RNF38: variants seen among roughly 807,000 people sequenced by gnomAD.
RNF38 encodes the protein ring finger protein 38, also known as E3 ubiquitin-protein ligase RNF38.
In RNF38, 15 loss-of-function variants were observed where a neutral mutation model predicts 67.2. The ratio of observed to expected loss-of-function variants is 0.22; its 90% CI spans 0.15 to 0.34. The LOEUF is 0.34. RNF38 is among the 10% of genes least tolerant of loss of function. RNF38 has a pLI of 1.00. For synonymous variants in RNF38, 220 were observed against 218.8 expected (o/e 1.01, Z -0.05); for missense variants, 524 against 639.9 (o/e 0.82, Z 1.95).
Position 36,351,189 on chromosome 9 carries a change from G to A in RNF38, c.1189C>T (p.Pro397Ser). Residue 397 changes from proline (P) to serine (S), a missense_variant, in exon 9 of 12, where the codon CCA becomes TCA. Pro to Ser is a moderately conservative substitution (Grantham distance 74). Around this residue, in one of 2 missense-constraint regions of RNF38, gnomAD observed 461 missense variants for 517.4 expected, o/e 0.89. Transcript: ENST00000259605. ...GTTGGGCCCACTGCAGGTGGCACTG[G>A]AAGCATTGATCTGCAGTGAAAACAA... Reference protein sequence around the residue: ...SLLPYVLSMLPVPPAVGPTFS... With the variant: ...SLLPYVLSMLSVPPAVGPTFS... The A allele has an allele frequency of 1.9e-6, 3 of 1,611,080 alleles. No individual in the cohort carries two copies. The highest frequency in any genetic ancestry group is 2.5e-6 in the Non-Finnish European group (3 of 1,178,038).
At chr9:36,354,996 G>T (rs1833993430) in intron 6 of RNF38, among the ~76,000 whole-genome samples, 1 of 152,164 alleles carries the variant, frequency 6.6e-6, no homozygotes, top group Non-Finnish European at 1.5e-5. Context: ...ACAAGTGATA[G>T]CTAAATTTTG....
At position 36,394,042 on chromosome 9, in the gene RNF38, C is replaced by T. The variant is rs10972881; in HGVS notation, c.13-3426G>A. ...CTGTAATCCCAGCACTTTGGGAGGC[C>T]GAGGCGGGCAGATCACAAGGTCAAG... On this transcript the variant is annotated intron_variant, in intron 1 of 11. Coordinates refer to ENST00000259605, the MANE Select transcript of RNF38 (RefSeq NM_022781.5). Among the ~76,000 whole-genome samples, 1,198 of 152,142 alleles carry T rather than the reference C, an allele frequency of 7.9e-3. 42 individuals are homozygous for T. The East Asian group carries it at 0.11, about 14-fold the overall frequency.
chr9:36,467,649 T>G (rs1370704986), intron 1 of RNF38, among the ~76,000 whole-genome samples: 1 of 152,172 alleles, frequency 6.6e-6, no homozygotes, highest in Non-Finnish European at 1.5e-5. Context: ...TAAAACCCAC[T>G]ATAGCTTTTT....
rs549622830 is a variant in RNF38 at position 36,372,122 on chromosome 9, G to C, written c.357-2190C>G. 4.6e-5 allele frequency among the ~76,000 whole-genome samples: 7 copies of C among 151,916 alleles called. No homozygotes were observed. The South Asian group carries it at 1.5e-3, about 32-fold the overall frequency. On this transcript the variant is annotated intron_variant, in intron 3 of 11. Transcript: ENST00000259605. ...ATTTTTGTATTTTTAGTAGAAACAG[G>C]GTTTCACCATATTGGCCAGGCTGGT...
chr9:36,431,954 C>T (rs2134265421), intron 1 of RNF38, among the ~76,000 whole-genome samples: 1 of 152,218 alleles, frequency 6.6e-6, no homozygotes, highest in East Asian at 1.9e-4. Flanking sequence ...TTCTCTCACC[C>T]CAATCACTCA....
At chr9:36,454,627 G>A (rs1028893276) in intron 1 of RNF38, among the ~76,000 whole-genome samples, 3 of 122,026 alleles carry the variant, frequency 2.5e-5, no homozygotes, top group South Asian at 2.7e-4. Context: ...CTGTCGCCCC[G>A]GCTGCAGTGC....
intron 1 of RNF38, among the ~76,000 whole-genome samples, chr9:36,486,306 A>T (rs369869552): frequency 2.6e-5 from 4 of 152,026 alleles, no homozygotes; most frequent in African/African-American, 9.7e-5. Flanking sequence ...CGGAAATCCC[A>T]TGTATTACAT....
intron 6 of RNF38, among the ~76,000 whole-genome samples, chr9:36,355,133 C>T (rs1431929038): frequency 2.0e-5 from 3 of 152,168 alleles, no homozygotes; most frequent in Non-Finnish European, 4.4e-5. Context: ...GCCAAACTTG[C>T]GTCATAATTG....
intron 2 of RNF38, among the ~76,000 whole-genome samples, chr9:36,381,404 T>A (rs1836202045): frequency 6.6e-6 from 1 of 152,112 alleles, no homozygotes; most frequent in Non-Finnish European, 1.5e-5. Flanking sequence ...TATCTCTCCA[T>A]CCCCTGCTTC....
At chr9:36,423,711 AGGCC>A (rs1344782320) in intron 2 of RNF38, among the ~76,000 whole-genome samples, 16 of 95,416 alleles carry the variant, frequency 1.7e-4, no homozygotes, top group Middle Eastern at 4.3e-3. Context: ...GCACTTTGGG[AGGCC>A]GAGGCGGGCG....
chr9:36,362,806 G>GT (rs1443119501), intron 4 of RNF38, among the ~76,000 whole-genome samples: 2 of 151,944 alleles, frequency 1.3e-5, no homozygotes, highest in African/African-American at 4.8e-5. Flanking sequence ...GCTAATTTTT[G>GT]TATTTTTAGT....
At chr9:36,351,094 A>G (rs749062716) in intron 9 of RNF38, 21 bp downstream of exon 9, 9 of 1,507,984 alleles carry the variant, frequency 6.0e-6, no homozygotes, top group Non-Finnish European at 8.3e-6. Context: ...CCCCAAATTA[A>G]TTCACAATTC....
chr9:36,474,966 AC>A (rs1840089265), intron 1 of RNF38, among the ~76,000 whole-genome samples: 1 of 146,646 alleles, frequency 6.8e-6, no homozygotes, highest in Non-Finnish European at 1.5e-5. Context: ...ACATGGTGAA[AC>A]CCCATGTCTA....
intron 1 of RNF38, among the ~76,000 whole-genome samples, chr9:36,393,523 G>T (rs926092319): frequency 1.2e-5 from 1 of 83,570 alleles, no homozygotes; most frequent in African/African-American, 3.9e-5. Context: ...GTGTGTGTGT[G>T]GGGCAGGCAG....
chr9:36,398,397 G>A (rs1371994128), intron 1 of RNF38, among the ~76,000 whole-genome samples: 1 of 151,960 alleles, frequency 6.6e-6, no homozygotes, highest in African/African-American at 2.4e-5. Flanking sequence ...AGCAAAACCC[G>A]TTTCTGGAAA....
intron 2 of RNF38, among the ~76,000 whole-genome samples, chr9:36,416,072 A>G (rs1371652205): frequency 6.6e-6 from 1 of 151,424 alleles, no homozygotes; most frequent in Non-Finnish European, 1.5e-5. Context: ...AGAGCTCTCA[A>G]GATATTATGT....
At chr9:36,355,909 T>C (rs1282412261) in intron 6 of RNF38, among the ~76,000 whole-genome samples, 2 of 152,190 alleles carry the variant, frequency 1.3e-5, no homozygotes, top group African/African-American at 2.4e-5. Flanking sequence ...TGCAGTGGCA[T>C]GATCTTGGCT....
chr9:36,351,288 G>T, intron 8 of RNF38, 89 bp from the exon 9 acceptor site: 1 of 794,546 alleles, frequency 1.3e-6, no homozygotes, highest in Non-Finnish European at 2.0e-6. Context: ...GTGCTATAAG[G>T]ATGAAGAATG....
At chr9:36,361,908 T>C (rs1834566360) in intron 4 of RNF38, among the ~76,000 whole-genome samples, 1 of 151,756 alleles carries the variant, frequency 6.6e-6, no homozygotes, top group East Asian at 1.9e-4. Flanking sequence ...TTAATCCCTA[T>C]GGGTTAACTG....
Sources: gnomAD v4.1 joint callset for allele counts (sites outside exome capture counted in the v4.1 genomes callset) on GRCh38, gnomAD v4.1.1 for gene constraint, gnomAD v4.1.1 regional missense constraint, MANE v1.5 for transcripts, NCBI Gene and HGNC (gene_info 2026-07-23, HGNC 2026-07-21) for gene names.